Variants in GABRA1 observed in about 807,000 individuals in gnomAD.
The protein encoded by GABRA1 is gamma-aminobutyric acid receptor subunit alpha-1.
Under a neutral mutation model 48.9 loss-of-function variants are expected in GABRA1, and 9 were observed. That is an observed-to-expected ratio of 0.18 (90% confidence interval 0.11 to 0.32). The LOEUF (loss-of-function observed/expected upper bound fraction) is 0.32, where lower values mean the gene tolerates loss of function less well. GABRA1 is among the 10% of genes least tolerant of loss of function. The pLI, the probability that GABRA1 is intolerant of heterozygous loss-of-function variation, is 1.00. For missense variants in GABRA1, 285 were observed against 553.8 expected, an observed-to-expected ratio of 0.51 and a Z score of 4.87; for synonymous variants, 210 against 198.7, an observed-to-expected ratio of 1.06 and a Z score of -0.48.
At chr5:161,882,490 A>C in intron 6 of GABRA1, 68 bp from the exon 7 acceptor site, 1 of 1,416,394 alleles carries the variant, frequency 7.1e-7, no homozygotes, top group South Asian at 1.2e-5. Flanking sequence ...AGCTGATGAA[A>C]GGTACCAACT....
At chr5:161,858,286 A>T (rs190130620) in intron 3 of GABRA1, among the ~76,000 whole-genome samples, 62 of 151,774 alleles carry the variant, frequency 4.1e-4, no homozygotes, top group African/African-American at 1.3e-3. Context: ...AAAATTAAAT[A>T]ATGCTCCTGC....
rs756726029 is a variant in GABRA1 at position 161,897,320 on chromosome 5, A to C, written c.1269A>C (p.Ser423=). 1 of 1,614,146 alleles carries C rather than the reference A, an allele frequency of 6.2e-7. No homozygotes were observed. The highest frequency in any genetic ancestry group is 8.5e-7 in the Non-Finnish European group (1 of 1,180,008). ...FNSVSKIDRL[S]RIAFPLLFGI... Reference sequence around the variant, plus strand: ...GTGTCAGCAAAATTGACCGACTGTCAAGAATAGCCTTCCCGCTGCTATTTG... The same window carrying C: ...GTGTCAGCAAAATTGACCGACTGTCCAGAATAGCCTTCCCGCTGCTATTTG... The change falls in exon 10 of 10, where the codon TCA becomes TCC. Residue 423 remains serine, a synonymous_variant. Coordinates refer to ENST00000393943, the MANE Select transcript of GABRA1 (RefSeq NM_001127644.2).
At chr5:161,873,410 G>T (rs575193888) in intron 5 of GABRA1, 73 bp downstream of exon 5, 189 of 1,180,162 alleles carry the variant, frequency 1.6e-4, no homozygotes, top group Non-Finnish European at 2.1e-4. Context: ...CAATCATCAG[G>T]CTGATGAGCC....
At chr5:161,878,131 A>G (rs1375545058) in intron 6 of GABRA1, among the ~76,000 whole-genome samples, 1 of 152,204 alleles carries the variant, frequency 6.6e-6, no homozygotes, top group Non-Finnish European at 1.5e-5. Flanking sequence ...GGTTCTCAGT[A>G]AATATTTATT....
At position 161,852,365 on chromosome 5, in the gene GABRA1, C is replaced by G. The variant is rs773336833; in HGVS notation, c.74+1481C>G. Among the ~76,000 whole-genome samples the G allele has an allele frequency of 1.5e-3, 229 of 152,102 alleles. 1 individual carries two copies. The highest frequency in any genetic ancestry group is 2.6e-3 in the Non-Finnish European group (176 of 67,920). On this transcript the variant is annotated intron_variant, in intron 2 of 9. Coordinates refer to ENST00000393943, the MANE Select transcript of GABRA1 (RefSeq NM_001127644.2). ...TTTTAATAATTTAAGTTTATTTAGTCATGTTACCCCATTTCATCTTTTATT... is the reference window on the plus strand; with the variant it reads ...TTTTAATAATTTAAGTTTATTTAGTGATGTTACCCCATTTCATCTTTTATT...
intron 7 of GABRA1, among the ~76,000 whole-genome samples, chr5:161,884,133 G>A (rs549852993): frequency 1.3e-5 from 2 of 152,140 alleles, no homozygotes; most frequent in East Asian, 3.9e-4. Context: ...TATATAATAG[G>A]TACTCAAATG....
intron 7 of GABRA1, among the ~76,000 whole-genome samples, chr5:161,887,232 T>G (rs1350376): frequency 0.63 from 95,452 of 151,856 alleles, 30,313 homozygotes; most frequent in Admixed American, 0.71. Flanking sequence ...AACATTGTAG[T>G]ATTCTCTTTT....
At chr5:161,852,173 G>C (rs996028018) in intron 2 of GABRA1, among the ~76,000 whole-genome samples, 1 of 151,886 alleles carries the variant, frequency 6.6e-6, no homozygotes, top group African/African-American at 2.4e-5. Context: ...ACTGGTCTTG[G>C]GGAAAAGGCA....
chr5:161,885,534 GA>G (rs1301697747), intron 7 of GABRA1, among the ~76,000 whole-genome samples: 1 of 152,046 alleles, frequency 6.6e-6, no homozygotes, highest in Non-Finnish European at 1.5e-5. Flanking sequence ...CAACACATGG[GA>G]AAACATAAAC....
At chr5:161,864,338 T>A (rs1304195622) in intron 3 of GABRA1, among the ~76,000 whole-genome samples, 2 of 152,064 alleles carry the variant, frequency 1.3e-5, no homozygotes, top group Admixed American at 1.3e-4. Flanking sequence ...TATCTCCCAA[T>A]GCTATCCCTC....
intron 8 of GABRA1, among the ~76,000 whole-genome samples, chr5:161,892,227 A>T (rs2113451098): frequency 6.6e-6 from 1 of 152,352 alleles, no homozygotes; most frequent in African/African-American, 2.4e-5. Context: ...CATTCCACAA[A>T]TATCAACTAG....
intron 3 of GABRA1, among the ~76,000 whole-genome samples, chr5:161,855,534 T>G (rs1184840664): frequency 6.6e-6 from 1 of 151,538 alleles, no homozygotes; most frequent in Non-Finnish European, 1.5e-5. Context: ...TTGAAGTTTT[T>G]AGAAAAAATT....
At chr5:161,866,196 C>T (rs1415903458) in intron 4 of GABRA1, among the ~76,000 whole-genome samples, 2 of 151,872 alleles carry the variant, frequency 1.3e-5, no homozygotes, top group Non-Finnish European at 2.9e-5. Flanking sequence ...TTATTTTTGG[C>T]TACTAAAAAC....
chr5:161,850,672 C>T, intron 1 of GABRA1, 124 bp from the exon 2 acceptor site: 1 of 768,784 alleles, frequency 1.3e-6, no homozygotes, highest in Non-Finnish European at 2.3e-6. Context: ...AATGAGGTGT[C>T]ATATCCCAGT....
At chr5:161,850,569 T>G (rs1240007527) in intron 1 of GABRA1, 18 of 587,346 alleles carry the variant, frequency 3.1e-5, no homozygotes, top group Middle Eastern at 8.4e-4. Context: ...CAGCTTGTAT[T>G]CTTTTACAGG....
intron 7 of GABRA1, among the ~76,000 whole-genome samples, chr5:161,887,698 G>A (rs1210530822): frequency 6.6e-6 from 1 of 152,072 alleles, no homozygotes; most frequent in East Asian, 1.9e-4. Flanking sequence ...AGCTTCACAA[G>A]GAATCAATGT....
At chr5:161,891,899 G>C (rs962481636) in intron 8 of GABRA1, among the ~76,000 whole-genome samples, 2 of 152,088 alleles carry the variant, frequency 1.3e-5, no homozygotes, top group Non-Finnish European at 2.9e-5. Context: ...TTTTATACTA[G>C]GCGCTATTCT....
intron 2 of GABRA1, 55 bp from the exon 3 acceptor site, chr5:161,854,103 G>A: frequency 1.1e-6 from 1 of 877,452 alleles, no homozygotes. Flanking sequence ...TTTGGAAAGA[G>A]GTTTTAGTAG....
At chr5:161,882,474 A>T in intron 6 of GABRA1, 84 bp from the exon 7 acceptor site, 1 of 1,289,844 alleles carries the variant, frequency 7.8e-7, no homozygotes, top group South Asian at 1.2e-5. Flanking sequence ...GATATAGAAA[A>T]TATGAAGCTG....
Sources: allele counts gnomAD v4.1 joint callset (sites outside exome capture counted in the v4.1 genomes callset), GRCh38; gene constraint gnomAD v4.1.1; transcripts MANE v1.5; gene names NCBI Gene and HGNC (gene_info 2026-07-23, HGNC 2026-07-21).